Variants in PLCE1 observed in about 807,000 individuals in gnomAD.
The protein encoded by PLCE1 is 1-phosphatidylinositol 4,5-bisphosphate phosphodiesterase epsilon-1.
Under a neutral mutation model 242.8 loss-of-function variants are expected in PLCE1, and 119 were observed. The ratio of observed to expected loss-of-function variants is 0.49; its 90% CI spans 0.42 to 0.57. The LOEUF (loss-of-function observed/expected upper bound fraction) is 0.57. Among genes scored for constraint, PLCE1 ranks in the 20% least tolerant of loss-of-function variants. The pLI, the probability that PLCE1 is intolerant of heterozygous loss-of-function variation, is 0.00. For missense variants in PLCE1, 2,441 were observed against 2,788.8 expected (o/e 0.88, Z 2.81); for synonymous variants, 945 against 1,017.4 (o/e 0.93, Z 1.35).
chr10:94,270,464 T>C lies in PLCE1; in HGVS notation c.4390-22T>C, dbSNP rs200344299. ...ACCTTGACAGATATCTGGACTCTAA[T>C]GAGCTGTTTTGGCTCTCATAGGAAG... On this transcript the variant is annotated intron_variant, in intron 17 of 32. Coordinates refer to ENST00000371380, the MANE Select transcript of PLCE1 (RefSeq NM_016341.4). 8.7e-5 allele frequency: 128 copies of C among 1,476,266 alleles called. 1 individual carries two copies. The African/African-American group carries it at 1.4e-3, about 16-fold the overall frequency. 91.4% of individuals were successfully genotyped at this position (1,476,266 alleles called of 1,614,324 possible).
At chr10:94,096,453 G>T (rs2045314141) in intron 2 of PLCE1, 1 of 152,154 alleles carries the variant, frequency 6.6e-6, no homozygotes, top group Non-Finnish European at 1.5e-5. Flanking sequence ...CCTTCACCTG[G>T]TCGCAGCAAG....
chr10:94,325,114 G>A lies in PLCE1; in HGVS notation c.*24+10G>A. 1 of 1,568,478 alleles carries A rather than the reference G, an allele frequency of 6.4e-7. No homozygotes were observed. Among genetic ancestry groups the A allele is most frequent in the Non-Finnish European group, 8.8e-7 (1 of 1,138,678 alleles). ...AGCATGTTTAACCCAGGTATAGTAA[G>A]TCATTGCACCATCCTGGAACAGGGC... On this transcript the variant is annotated intron_variant, in intron 32 of 32. Transcript: ENST00000371380.
At chr10:94,325,280 T>C (rs536641327) in intron 32 of PLCE1, 176 bp downstream of exon 32, 2 of 595,540 alleles carry the variant, frequency 3.4e-6, no homozygotes, top group Non-Finnish European at 6.0e-6. Flanking sequence ...TAACATGATA[T>C]GCTATTGAAC....
rs559496577 is a variant in PLCE1 at position 94,071,495 on chromosome 10, G to GTTTT, written c.1206+39261_1206+39264dup. Among the ~76,000 whole-genome samples, 62 of 83,298 alleles carry GTTTT rather than the reference G, an allele frequency of 7.4e-4. 5 individuals carry two copies. The highest frequency in any genetic ancestry group is 2.2e-3 in the East Asian group (5 of 2,280). The allele number at this position is 83,298 out of a possible 152,430, so 54.6% of individuals were successfully genotyped here. A position where few individuals can be genotyped will look rare whatever the true frequency, so the allele number is the denominator to read the frequency against. ...GTCTGTGTGTGTGTGTTTGGTTTTC[G>GTTTT]TTTTTTTTTTTTTTTTTTTTTGAGT... On this transcript the variant is annotated intron_variant, in intron 2 of 32. Transcript: ENST00000371380.
chr10:94,041,762 G>A (rs2061772027), intron 2 of PLCE1, among the ~76,000 whole-genome samples: 1 of 152,130 alleles, frequency 6.6e-6, no homozygotes, highest in Non-Finnish European at 1.5e-5. Context: ...ACAGCATGCT[G>A]TCGTTGTAAG....
chr10:94,138,260 A>G, intron 3 of PLCE1: 2 of 334,866 alleles, frequency 6.0e-6, no homozygotes, highest in Non-Finnish European at 1.2e-5. Flanking sequence ...TTGATATTCC[A>G]CAGTGCATAT....
rs750212847 is a variant in PLCE1 at position 94,252,371 on chromosome 10, G to A, written c.3152G>A (p.Gly1051Asp). The change falls in exon 9 of 33, where the codon GGC becomes GAC. Residue 1051 changes from glycine to aspartate, a missense_variant. Transcript: ENST00000371380. The part of the protein sequence containing the change: ...TLAHAVELFG[G>D]RRWSARNPSP... ...GCTCACGCTGTGGAGTTGTTTGGTG[G>A]CAGACGGTGGAGTGCTCGAAACCCC... The A allele has an allele frequency of 6.2e-7, 1 of 1,614,118 alleles. No individual in the cohort carries two copies. The highest frequency in any genetic ancestry group is 8.5e-7 in the Non-Finnish European group (1 of 1,180,008).
At chr10:94,079,007 C>T in intron 2 of PLCE1, among the ~76,000 whole-genome samples, 1 of 152,126 alleles carries the variant, frequency 6.6e-6, no homozygotes, top group East Asian at 1.9e-4. Flanking sequence ...GGTGCTACAT[C>T]CCTCCACGGT....
intron 3 of PLCE1, among the ~76,000 whole-genome samples, chr10:94,168,112 C>T (rs1469940992): frequency 6.6e-6 from 1 of 152,176 alleles, no homozygotes; most frequent in Non-Finnish European, 1.5e-5. Flanking sequence ...AACTTTGCTT[C>T]ATGGATCATG....
Position 94,022,598 on chromosome 10 carries a change from A to G in PLCE1, c.-364-8085A>G, listed in dbSNP as rs557789315. Among the ~76,000 whole-genome samples the G allele has an allele frequency of 4.6e-5, 7 of 152,218 alleles. No homozygotes were observed. In the South Asian group the frequency reaches 1.4e-3, roughly 32 times the overall value. ...ATGTTATTTTTCCCAGAATTGATATATTGATTTAAGCCAATCTTATCAGAG... is the reference window on the plus strand; with the variant it reads ...ATGTTATTTTTCCCAGAATTGATATGTTGATTTAAGCCAATCTTATCAGAG... On this transcript the variant is annotated intron_variant, in intron 1 of 32. Transcript: ENST00000371380.
At position 94,245,983 on chromosome 10, in the gene PLCE1, A is replaced by T. The variant is rs1293673641; in HGVS notation, c.2458A>T (p.Ile820Phe). 1 of 1,613,960 alleles carries T rather than the reference A, an allele frequency of 6.2e-7. No homozygotes were observed. The highest frequency in any genetic ancestry group is 8.5e-7 in the Non-Finnish European group (1 of 1,179,966). ...AGATTTGTTGGATTCAGACAATGAC[A>T]TCTTTGAGCAATCCAAAGAATACGA... Reference protein sequence around the residue: ...IGDLLDSDNDIFEQSKEYDSH... With the variant: ...IGDLLDSDNDFFEQSKEYDSH... Residue 820 changes from isoleucine (I) to phenylalanine (F), a missense_variant, in exon 8 of 33, where the codon ATC becomes TTC. Ile to Phe is a conservative substitution (Grantham distance 21, BLOSUM62 0). Transcript: ENST00000371380.
intron 4 of PLCE1, among the ~76,000 whole-genome samples, chr10:94,200,550 C>T (rs1020354583): frequency 6.6e-6 from 1 of 152,088 alleles, no homozygotes; most frequent in African/African-American, 2.4e-5. Context: ...AGAGAATAGA[C>T]AAATCTGTGC....
At chr10:94,032,402 G>A in intron 2 of PLCE1, 150 bp downstream of exon 2, 1 of 715,532 alleles carries the variant, frequency 1.4e-6, no homozygotes, top group South Asian at 1.8e-5. Context: ...ATTGAAAACA[G>A]ATACTCCAAT....
intron 4 of PLCE1, among the ~76,000 whole-genome samples, chr10:94,177,122 G>A (rs954498459): frequency 3.9e-5 from 6 of 152,156 alleles, no homozygotes; most frequent in Non-Finnish European, 7.3e-5. Flanking sequence ...TGTAATGTGA[G>A]AAAAAGGAAG....
chr10:94,262,470 TG>T, intron 13 of PLCE1, 23 bp from the exon 14 acceptor site: 1 of 1,464,362 alleles, frequency 6.8e-7, no homozygotes, highest in East Asian at 2.3e-5. Context: ...ATCTTGTCCA[TG>T]TACTGTGGTG....
intron 3 of PLCE1, among the ~76,000 whole-genome samples, chr10:94,147,823 G>A (rs1365796538): frequency 6.6e-6 from 1 of 152,184 alleles, no homozygotes. Context: ...ATAATAGAAT[G>A]TAGCACAATA....
chr10:94,217,656 A>G lies in PLCE1; in HGVS notation c.1810-9650A>G, dbSNP rs549644372. On this transcript the variant is annotated intron_variant, in intron 4 of 32. Transcript: ENST00000371380. ...TTCCCCAAATTCCATTTAACTAGACATGGTATTTGCAAATCTCAGTGAAAA... is the reference window on the plus strand; with the variant it reads ...TTCCCCAAATTCCATTTAACTAGACGTGGTATTTGCAAATCTCAGTGAAAA... Among the ~76,000 whole-genome samples, 6 of 152,348 alleles carry G rather than the reference A, an allele frequency of 3.9e-5. No individual in the cohort carries two copies. In the East Asian group the frequency reaches 5.8e-4, roughly 15 times the overall value.
At chr10:94,177,553 A>T (rs1457490747) in intron 4 of PLCE1, among the ~76,000 whole-genome samples, 1 of 152,158 alleles carries the variant, frequency 6.6e-6, no homozygotes, top group Non-Finnish European at 1.5e-5. Flanking sequence ...CCTGATCTGA[A>T]GCTCTTAGAA....
intron 2 of PLCE1, among the ~76,000 whole-genome samples, chr10:94,071,495 G>GTTTTTTTTTGTTTTTTTTT (rs2044352554): frequency 1.2e-5 from 1 of 83,316 alleles, no homozygotes; most frequent in African/African-American, 5.4e-5. Context: ...TTTGGTTTTC[G>GTTTTTTTTTGTTTTTTTTT]TTTTTTTTTT....
Sources: allele counts gnomAD v4.1 joint callset (sites outside exome capture counted in the v4.1 genomes callset), GRCh38; gene constraint gnomAD v4.1.1; transcripts MANE v1.5; gene names NCBI Gene and HGNC (gene_info 2026-07-23, HGNC 2026-07-21).